PHACTR1: variants seen among roughly 807,000 people sequenced by gnomAD.
The protein encoded by PHACTR1 is phosphatase and actin regulator 1, also known as RPEL repeat containing 1.
PHACTR1 carries 16 observed loss-of-function variants against 69.2 expected under a neutral mutation model. The observed-to-expected ratio is 0.23, with a 90% CI of 0.16 to 0.35. PHACTR1 has a LOEUF of 0.35. Ranked by LOEUF, PHACTR1 falls within the 10% of genes least tolerant of loss-of-function variation. The pLI is 1.00. For synonymous variants in PHACTR1, 312 were observed against 284.5 expected (o/e 1.10, Z -0.97); for missense variants, 510 against 734.7 (o/e 0.69, Z 3.54).
chr6:13,272,043 T>A (rs766321726), intron 10 of PHACTR1, among the ~76,000 whole-genome samples: 1 of 152,210 alleles, frequency 6.6e-6, no homozygotes, highest in Non-Finnish European at 1.5e-5. Context: ...TTGCAGGTTG[T>A]TAAATAATTA....
chr6:13,229,364 G>T (rs1770399654), intron 9 of PHACTR1, among the ~76,000 whole-genome samples: 2 of 152,120 alleles, frequency 1.3e-5, no homozygotes, highest in African/African-American at 2.4e-5. Context: ...ATCACCACTG[G>T]TTGAGAACCA....
intron 4 of PHACTR1, among the ~76,000 whole-genome samples, chr6:12,992,045 A>G (rs1286408026): frequency 6.6e-6 from 1 of 151,844 alleles, no homozygotes; most frequent in Non-Finnish European, 1.5e-5. Flanking sequence ...TTGTTATTTT[A>G]CCACGTCCCA....
intron 4 of PHACTR1, among the ~76,000 whole-genome samples, chr6:12,961,954 G>A (rs535990711): frequency 6.6e-6 from 1 of 152,010 alleles, no homozygotes; most frequent in African/African-American, 2.4e-5. Context: ...TTTGAGTCAG[G>A]ATCTGTCTCT....
At chr6:12,762,096 C>T (rs573827290) in intron 4 of PHACTR1, among the ~76,000 whole-genome samples, 1 of 152,262 alleles carries the variant, frequency 6.6e-6, no homozygotes, top group African/African-American at 2.4e-5. Context: ...AAATGCCTTC[C>T]GGGTGTAAGG....
chr6:13,282,161 C>T (rs905341372), intron 12 of PHACTR1, among the ~76,000 whole-genome samples: 3 of 152,190 alleles, frequency 2.0e-5, no homozygotes, highest in African/African-American at 7.2e-5. Context: ...GTTTGTTTTA[C>T]GGGCCTGAGT....
intron 4 of PHACTR1, among the ~76,000 whole-genome samples, chr6:13,021,867 A>G (rs1191334332): frequency 6.6e-6 from 1 of 152,228 alleles, no homozygotes; most frequent in Non-Finnish European, 1.5e-5. Context: ...TAGCTTGTGT[A>G]TCTTATTTCC....
At chr6:13,003,923 A>G (rs547037248) in intron 4 of PHACTR1, among the ~76,000 whole-genome samples, 2 of 135,138 alleles carry the variant, frequency 1.5e-5, no homozygotes, top group East Asian at 4.0e-4. Context: ...ACATGATTTC[A>G]TTCTTTTTTT....
chr6:13,077,038 A>G (rs1393673689), intron 5 of PHACTR1, among the ~76,000 whole-genome samples: 2 of 151,306 alleles, frequency 1.3e-5, no homozygotes, highest in Non-Finnish European at 2.9e-5. Flanking sequence ...ACATGTATAC[A>G]TATGTAACTA....
At chr6:13,134,650 A>G (rs2127978278) in intron 5 of PHACTR1, among the ~76,000 whole-genome samples, 1 of 152,188 alleles carries the variant, frequency 6.6e-6, no homozygotes, top group African/African-American at 2.4e-5. Context: ...GGGCACAAAC[A>G]CTGGGGAAGG....
intron 4 of PHACTR1, among the ~76,000 whole-genome samples, chr6:12,768,275 C>T (rs569205972): frequency 1.5e-4 from 23 of 152,128 alleles, no homozygotes; most frequent in African/African-American, 4.3e-4. Flanking sequence ...CCACCATGCC[C>T]GGCTAATTTT....
At chr6:13,177,647 A>C (rs1168381606) in intron 6 of PHACTR1, among the ~76,000 whole-genome samples, 2 of 152,200 alleles carry the variant, frequency 1.3e-5, no homozygotes, top group African/African-American at 4.8e-5. Context: ...TGATCACCCC[A>C]AAACCAGGGG....
At chr6:13,221,022 G>A (rs1768526723) in intron 8 of PHACTR1, among the ~76,000 whole-genome samples, 1 of 152,200 alleles carries the variant, frequency 6.6e-6, no homozygotes, top group South Asian at 2.1e-4. Context: ...GGCTATGGAT[G>A]TGCAGAGAAG....
At chr6:12,782,960 A>T (rs1771022688) in intron 4 of PHACTR1, among the ~76,000 whole-genome samples, 1 of 152,242 alleles carries the variant, frequency 6.6e-6, no homozygotes, top group African/African-American at 2.4e-5. Flanking sequence ...TTATTCCTGG[A>T]CTCAAACATT....
rs545855517 is a variant in PHACTR1, at chr6:13,114,473, G to A, written c.416-45731G>A. The stretch of plus-strand genomic sequence containing the variant: ...CAAGGGAAACGTTCTTCTATTAGAG[G>A]ATGAGAGCTTCAACATAGCATAAAT... On this transcript the variant is annotated intron_variant, in intron 5 of 14. Transcript: ENST00000332995. Among the ~76,000 whole-genome samples the A allele has an allele frequency of 5.3e-5, 8 of 152,254 alleles. No individual in the cohort carries two copies. In the South Asian group the frequency reaches 1.0e-3, roughly 20 times the overall value.
chr6:13,020,511 G>A (rs1800811351), intron 4 of PHACTR1, among the ~76,000 whole-genome samples: 1 of 152,144 alleles, frequency 6.6e-6, no homozygotes, highest in Non-Finnish European at 1.5e-5. Context: ...TCTCCTCCCT[G>A]GGGGTGAAGG....
At chr6:12,965,562 C>T (rs1404744658) in intron 4 of PHACTR1, among the ~76,000 whole-genome samples, 1 of 150,654 alleles carries the variant, frequency 6.6e-6, no homozygotes, top group Non-Finnish European at 1.5e-5. Context: ...TTCAGGGAAG[C>T]TGTGACGAGC....
intron 4 of PHACTR1, among the ~76,000 whole-genome samples, chr6:12,974,438 A>G (rs1794623294): frequency 1.3e-5 from 2 of 152,148 alleles, no homozygotes; most frequent in South Asian, 4.1e-4. Context: ...TAGAAGTAGT[A>G]TTTTAGCTCA....
intron 5 of PHACTR1, among the ~76,000 whole-genome samples, chr6:13,075,602 C>T (rs905793236): frequency 3.9e-5 from 6 of 152,288 alleles, no homozygotes; most frequent in South Asian, 2.1e-4. Context: ...CTGAAGACAA[C>T]GAGTCCAATA....
rs185958870 is a variant in PHACTR1, at chr6:13,245,080, C to T, written c.1391+14887C>T. 7.4e-4 allele frequency among the ~76,000 whole-genome samples: 112 copies of T among 152,260 alleles called. 1 individual carries two copies. The highest frequency in any genetic ancestry group is 2.5e-3 in the African/African-American group (104 of 41,554). ...CCTCTGTTTGGGGTCCCTGACTTCC[C>T]GCAACAGTATTTAGGTTGATTCCAT... On this transcript the variant is annotated intron_variant, in intron 10 of 14. Coordinates refer to ENST00000332995, the MANE Select transcript of PHACTR1 (RefSeq NM_030948.6). The surrounding 1 kb of genome is among the most constrained non-coding windows in gnomAD (Gnocchi z 4.1).
Sources: allele counts gnomAD v4.1 joint callset (sites outside exome capture counted in the v4.1 genomes callset), GRCh38; gene constraint gnomAD v4.1.1; non-coding constraint Gnocchi (gnomAD v3.1); transcripts MANE v1.5; gene names NCBI Gene and HGNC (gene_info 2026-07-23, HGNC 2026-07-21).